CAPN14: variants seen among roughly 807,000 people sequenced by gnomAD.
CAPN14 encodes the protein calpain-14.
A neutral mutation model predicts 101.3 loss-of-function variants in CAPN14; 94 were observed. The ratio of observed to expected loss-of-function variants is 0.93; its 90% CI spans 0.79 to 1.10. The LOEUF is 1.10. Among genes scored for constraint, CAPN14 ranks in the 50% least tolerant of loss-of-function variants. The pLI, the probability that CAPN14 is intolerant of heterozygous loss-of-function variation, is 0.00. For synonymous variants in CAPN14, 338 were observed against 317.9 expected, an observed-to-expected ratio of 1.06 and a Z score of -0.67; for missense variants, 837 against 828.4, an observed-to-expected ratio of 1.01 and a Z score of -0.13.
In CAPN14 at chr2:31,195,507, T is replaced by G. The variant is rs373624899; in HGVS notation, c.876-1024A>C. ...ACATGCCACCACACCTGGCTAATTTTTGCAGTATTAGTAGAGACGTGGTTT... is the reference window on the plus strand; with the variant it reads ...ACATGCCACCACACCTGGCTAATTTGTGCAGTATTAGTAGAGACGTGGTTT... On this transcript the variant is annotated intron_variant, in intron 8 of 21. Coordinates refer to ENST00000403897, the MANE Select transcript of CAPN14 (RefSeq NM_001145122.2). Among the ~76,000 whole-genome samples, 6 of 152,184 alleles carry G rather than the reference T, an allele frequency of 3.9e-5. No homozygotes were observed. In the East Asian group the frequency reaches 5.8e-4, roughly 15 times the overall value.
chr2:31,180,822 C>T, intron 17 of CAPN14, 114 bp downstream of exon 17: 8 of 882,230 alleles, frequency 9.1e-6, no homozygotes. Context: ...AGTGGCTTGT[C>T]CAGGATCCCA....
intron 2 of CAPN14, among the ~76,000 whole-genome samples, chr2:31,203,414 T>C (rs546116591): frequency 6.6e-6 from 1 of 152,198 alleles, no homozygotes; most frequent in East Asian, 1.9e-4. Flanking sequence ...TTCTTAGAGT[T>C]TCTATTAAAA....
chr2:31,181,542 C>T (rs1158329413), intron 16 of CAPN14, among the ~76,000 whole-genome samples: 2 of 105,028 alleles, frequency 1.9e-5, no homozygotes, highest in Non-Finnish European at 3.7e-5. Flanking sequence ...ATTATTATAC[C>T]TTAAGTTTTA....
At chr2:31,181,100 C>T in intron 16 of CAPN14, 100 bp from the exon 17 acceptor site, 2 of 881,356 alleles carry the variant, frequency 2.3e-6, no homozygotes, top group Non-Finnish European at 3.6e-6. Flanking sequence ...AGCTGATGAC[C>T]ACCATGTATG....
chr2:31,196,271 A>C (rs899940751), intron 8 of CAPN14, among the ~76,000 whole-genome samples: 1 of 152,242 alleles, frequency 6.6e-6, no homozygotes, highest in Non-Finnish European at 1.5e-5. Context: ...AGAAAGTAAC[A>C]ACACTGTAAT....
intron 16 of CAPN14, among the ~76,000 whole-genome samples, chr2:31,183,264 A>G (rs1260264027): frequency 6.6e-6 from 1 of 152,236 alleles, no homozygotes; most frequent in African/African-American, 2.4e-5. Context: ...ACCATTCAGG[A>G]CATAGGCATG....
chr2:31,195,163 G>C (rs12105604), intron 8 of CAPN14, among the ~76,000 whole-genome samples: 30,102 of 151,846 alleles, frequency 0.2, 3,277 homozygotes, highest in East Asian at 0.37. Context: ...CGAAAGGAGG[G>C]GGCTACATGA....
At position 31,174,690 on chromosome 2, in the gene CAPN14, C is replaced by G. The variant is rs1680208088; in HGVS notation, c.2046G>C (p.Leu682=). 1.3e-6 allele frequency: 2 copies of G among 1,551,472 alleles called. No individual in the cohort carries two copies. Among genetic ancestry groups the G allele is most frequent in the Non-Finnish European group, 1.7e-6 (2 of 1,147,000 alleles). The change falls in exon 22 of 22, where the codon CTG becomes CTC. Residue 682 remains leucine, a synonymous_variant. Transcript: ENST00000403897. ...LQKPEWMMMA[L]YS ...GTGAGACTCAGCCTTCTCAGGAGTACAGTGCCATCATCATCCACTGGACAT... is the reference window on the plus strand; with the variant it reads ...GTGAGACTCAGCCTTCTCAGGAGTAGAGTGCCATCATCATCCACTGGACAT...
chr2:31,225,393 A>G (rs6709482), intron 2 of CAPN14, among the ~76,000 whole-genome samples: 30,412 of 151,958 alleles, frequency 0.2, 4,536 homozygotes, highest in African/African-American at 0.42. Flanking sequence ...AGGAACTCTG[A>G]TATCATTGTG....
intron 1 of CAPN14, among the ~76,000 whole-genome samples, chr2:31,212,373 C>G (rs1011890034): frequency 1.3e-5 from 2 of 151,314 alleles, no homozygotes; most frequent in African/African-American, 2.4e-5. Flanking sequence ...ATAATCATGC[C>G]TCAATATAGT....
chr2:31,177,786 G>C lies in CAPN14; in HGVS notation c.1815C>G (p.Tyr605Ter). The stretch of plus-strand genomic sequence containing the variant: ...CAGCGTGCAGCTGCTCCCAGTTCAG[G>C]TATCCTGACCCACGGTCTTGCTTGT... ...VFHKQDRGSG[Y>*]LNWEQLHAAM... is the part of the protein sequence containing the mutation. Residue 605 changes from tyrosine (Y) to a stop codon, truncating the protein, a stop_gained, in exon 19 of 22, where the codon TAC becomes TAG. Coordinates refer to ENST00000403897, the MANE Select transcript of CAPN14 (RefSeq NM_001145122.2). LOFTEE classifies it high-confidence loss of function. The C allele has an allele frequency of 1.3e-6, 2 of 1,552,052 alleles. No homozygotes were observed. Among genetic ancestry groups the C allele is most frequent in the South Asian group, 2.4e-5 (2 of 84,064 alleles).
At chr2:31,187,640 G>T in intron 15 of CAPN14, 118 bp downstream of exon 15, 1 of 831,064 alleles carries the variant, frequency 1.2e-6, no homozygotes, top group Non-Finnish European at 1.9e-6. Context: ...GCAATAGGTA[G>T]CCTTAAATCA....
At chr2:31,209,465 G>C (rs551688754) in intron 1 of CAPN14, among the ~76,000 whole-genome samples, 2 of 152,062 alleles carry the variant, frequency 1.3e-5, no homozygotes, top group Non-Finnish European at 2.9e-5. Flanking sequence ...GCCTTTGAAC[G>C]CTAACTAGCT....
chr2:31,226,194 T>C (rs1334953895), intron 2 of CAPN14, among the ~76,000 whole-genome samples: 1 of 152,182 alleles, frequency 6.6e-6, no homozygotes, highest in Non-Finnish European at 1.5e-5. Flanking sequence ...TAATTCCTGA[T>C]ACATTATCAC....
At position 31,229,343 on chromosome 2, in the gene CAPN14, G is replaced by C. The variant is rs116475482; in HGVS notation, c.-176-2692C>G. 9.5e-3 allele frequency among the ~76,000 whole-genome samples: 1,451 copies of C among 152,232 alleles called. 23 individuals carry two copies. Among genetic ancestry groups the C allele is most frequent in the African/African-American group, 0.033 (1,386 of 41,540 alleles). On this transcript the variant is annotated intron_variant and NMD_transcript_variant, in intron 1 of 21. Transcript: ENST00000398824. ...TTTAAAAATATAATAAAGGAGCCAGGTGTAGTTTGTCTTGAACCACAGTTA... is the reference window on the plus strand; with the variant it reads ...TTTAAAAATATAATAAAGGAGCCAGCTGTAGTTTGTCTTGAACCACAGTTA...
At chr2:31,208,872 A>T (rs1426921931) in intron 1 of CAPN14, among the ~76,000 whole-genome samples, 1 of 152,152 alleles carries the variant, frequency 6.6e-6, no homozygotes, top group Non-Finnish European at 1.5e-5. Context: ...GCTATTTAAG[A>T]ATGTGCAGCC....
At chr2:31,189,613 T>C (rs1043719771) in intron 12 of CAPN14, 135 bp from the exon 13 acceptor site, 8 of 741,972 alleles carry the variant, frequency 1.1e-5, no homozygotes, top group Non-Finnish European at 2.4e-6. Flanking sequence ...CAGTGGAGGA[T>C]GAAACAAGTG....
At chr2:31,204,985 A>T (rs1351522979) in intron 2 of CAPN14, among the ~76,000 whole-genome samples, 1 of 152,160 alleles carries the variant, frequency 6.6e-6, no homozygotes, top group African/African-American at 2.4e-5. Context: ...CACCGTCTCT[A>T]GGTAGACAGT....
Position 31,205,376 on chromosome 2 carries a change from C to T in CAPN14, c.72G>A (p.Gln24=), listed in dbSNP as rs1382593894. The change falls in exon 2 of 22, where the codon CAG becomes CAA. Residue 24 remains glutamine, a synonymous_variant. Transcript: ENST00000403897. ...GGGCCTCAAAGTCCTGTTGGGGTTG[C>T]TGTGGAGACGCCCTCCTAGAGTACC... ...APRYSRRASP[Q]QPQQDFEALL... is the part of the protein sequence containing the mutation. The T allele has an allele frequency of 2.6e-6, 4 of 1,551,418 alleles. No individual in the cohort carries two copies. In the East Asian group the frequency reaches 9.8e-5, roughly 38 times the overall value.
Sources: allele counts gnomAD v4.1 joint callset (sites outside exome capture counted in the v4.1 genomes callset), GRCh38; gene constraint gnomAD v4.1.1; transcripts MANE v1.5; gene names NCBI Gene and HGNC (gene_info 2026-07-23, HGNC 2026-07-21).